Variants in KLHL12 observed in about 807,000 individuals in gnomAD.
KLHL12 encodes the protein kelch-like protein 12.
KLHL12 carries 17 observed loss-of-function variants against 60.8 expected under a neutral mutation model. The observed-to-expected ratio is 0.28, with a 90% CI of 0.19 to 0.42. The LOEUF (loss-of-function observed/expected upper bound fraction) is 0.42, where lower values mean the gene tolerates loss of function less well. Among genes scored for constraint, KLHL12 ranks in the 10% least tolerant of loss-of-function variants. KLHL12 has a pLI of 1.00. For synonymous variants in KLHL12, 220 were observed against 250.9 expected (o/e 0.88, Z 1.16); for missense variants, 468 against 722.3 (o/e 0.65, Z 4.04).
In KLHL12 at chr1:202,895,714, T is replaced by C. The variant is rs547587877; in HGVS notation, c.943A>G (p.Ile315Val). 1.2e-6 allele frequency: 2 copies of C among 1,613,600 alleles called. No homozygotes were observed. Among genetic ancestry groups the C allele is most frequent in the Admixed American group, 1.7e-5 (1 of 59,990 alleles). Residue 315 changes from isoleucine to valine, a missense_variant, in exon 8 of 12, where the codon ATC becomes GTC. Transcript: ENST00000367261. This position sits in a 1 kb window ranked among gnomAD's most constrained non-coding sequence, Gnocchi z 4.2. ...KTQEWSFLPS[I>V]TRKRRYVASV... ...GCCACATAACGTCTCTTACGAGTGA[T>C]GCTCTATGGATTTGGAGAGAAGAGG...
intron 2 of KLHL12, 26 bp from the exon 3 acceptor site, chr1:202,919,934 A>G (rs1213229414): frequency 3.8e-6 from 6 of 1,592,642 alleles, no homozygotes; most frequent in Middle Eastern, 1.7e-4. Flanking sequence ...GTATAAAAGA[A>G]TGATGGTTAT....
In KLHL12 at chr1:202,927,203, A is replaced by C. The variant is rs554785502; in HGVS notation, c.-160T>G. On this transcript the variant is annotated 5_prime_UTR_variant, in exon 1 of 12. Transcript: ENST00000367261. ...GAGCCGAAGCGCCGCCCAGACCCGGAGGCTCTGGAGGCTCTGGAGCCGTCC... is the reference window on the plus strand; with the variant it reads ...GAGCCGAAGCGCCGCCCAGACCCGGCGGCTCTGGAGGCTCTGGAGCCGTCC... 1.6e-3 allele frequency: 1,585 copies of C among 985,012 alleles called. 2 individuals carry two copies. Among genetic ancestry groups the C allele is most frequent in the Middle Eastern group, 6.8e-3 (13 of 1,914 alleles). The allele number at this position is 985,012 out of a possible 1,614,324, so 61.0% of individuals were successfully genotyped here.
chr1:202,914,822 GC>G (rs1410685753), intron 4 of KLHL12: 1 of 149,774 alleles, frequency 6.7e-6, no homozygotes, highest in Non-Finnish European at 1.5e-5. Flanking sequence ...CCGAGATCGT[GC>G]CATTACACTC....
At chr1:202,927,981 T>TAAAA, upstream of KLHL12, among the ~76,000 whole-genome samples, 1 of 103,676 alleles carries the variant, frequency 9.6e-6, no homozygotes, top group Admixed American at 1.1e-4. Context: ...CTCTGTCTCT[T>TAAAA]AAAAAAAAAA....
At chr1:202,928,101 C>T (rs1423435945), upstream of KLHL12, among the ~76,000 whole-genome samples, 2 of 151,474 alleles carry the variant, frequency 1.3e-5, no homozygotes, top group African/African-American at 4.8e-5. Flanking sequence ...GGTGAAACCC[C>T]GTCTCCACTA....
At chr1:202,921,919 C>A (rs895660087) in intron 2 of KLHL12, among the ~76,000 whole-genome samples, 4 of 152,128 alleles carry the variant, frequency 2.6e-5, no homozygotes. Flanking sequence ...ATCCCTAACA[C>A]TAAAAAAGTC....
chr1:202,927,383 T>C, upstream of KLHL12: 1 of 594,478 alleles, frequency 1.7e-6, no homozygotes, highest in Non-Finnish European at 2.1e-6. Context: ...GGAAGCCGAA[T>C]TACAAAAAGG....
chr1:202,908,935 T>C, intron 6 of KLHL12, 75 bp downstream of exon 6: 1 of 928,820 alleles, frequency 1.1e-6, no homozygotes, highest in East Asian at 2.4e-5. Flanking sequence ...TTATAGAGTA[T>C]TATTTTCAAC....
chr1:202,920,277 C>G (rs10800878), intron 2 of KLHL12, among the ~76,000 whole-genome samples: 118,298 of 151,442 alleles, frequency 0.78, 47,442 homozygotes, highest in East Asian at 0.9. Flanking sequence ...TTGTGCCACT[C>G]CACTCCAGCC....
intron 6 of KLHL12, among the ~76,000 whole-genome samples, chr1:202,897,201 C>T (rs1220016057): frequency 6.7e-6 from 1 of 149,298 alleles, no homozygotes; most frequent in Non-Finnish European, 1.5e-5. Context: ...AAGCAAACTT[C>T]AACATGACAC....
rs1406054313 is a variant in KLHL12, at chr1:202,892,798, T to G, written c.1581-139A>C. On this transcript the variant is annotated intron_variant, in intron 11 of 11. Coordinates refer to ENST00000367261, the MANE Select transcript of KLHL12 (RefSeq NM_021633.4). ...GAATTTGAGACCAGCCTGGGCAACATGGTGAGACCCTGTCTCAATAAAATT... is the reference window on the plus strand; with the variant it reads ...GAATTTGAGACCAGCCTGGGCAACAGGGTGAGACCCTGTCTCAATAAAATT... 1.3e-5 allele frequency: 10 copies of G among 746,622 alleles called. No individual in the cohort carries two copies. In the African/African-American group the frequency reaches 1.4e-4, roughly 11 times the overall value. The allele number at this position is 746,622 out of a possible 1,614,324, so 46.2% of individuals were successfully genotyped here. A position where few individuals can be genotyped will look rare whatever the true frequency, so the allele number is the denominator to read the frequency against.
At chr1:202,903,159 CAAAA>C (rs67432749) in intron 6 of KLHL12, among the ~76,000 whole-genome samples, 757 of 52,018 alleles carry the variant, frequency 0.015, 8 homozygotes, top group African/African-American at 0.052. Flanking sequence ...GACCTTGTCT[CAAAA>C]AAAAAAAAAA....
At chr1:202,908,525 G>A (rs1330316597) in intron 6 of KLHL12, among the ~76,000 whole-genome samples, 1 of 152,172 alleles carries the variant, frequency 6.6e-6, no homozygotes, top group East Asian at 1.9e-4. Context: ...AATCTAGTAC[G>A]AGGTAAACTG....
chr1:202,904,016 TTATC>T (rs59667776), intron 6 of KLHL12, among the ~76,000 whole-genome samples: 12 of 150,122 alleles, frequency 8.0e-5, no homozygotes, highest in East Asian at 4.0e-4. Flanking sequence ...ATCTATCTAT[TTATC>T]TATCTATCTA....
At position 202,920,369 on chromosome 1, in the gene KLHL12, A is replaced by ATTTTTTTT. The variant is rs951695987; in HGVS notation, c.196-469_196-462dup. Reference sequence around the variant, plus strand: ...ATAAAATTATGCTCTATTTTGTTGGATTTTTTTTTTTTTTTTTTTTTTTTT... The same window carrying ATTTTTTTT: ...ATAAAATTATGCTCTATTTTGTTGGATTTTTTTTTTTTTTTTTTTTTTTTTTTTTTTTT... On this transcript the variant is annotated intron_variant, in intron 2 of 11. Coordinates refer to ENST00000367261, the MANE Select transcript of KLHL12 (RefSeq NM_021633.4). 1.6e-3 allele frequency among the ~76,000 whole-genome samples: 134 copies of ATTTTTTTT among 83,828 alleles called. 5 individuals carry two copies. The highest frequency in any genetic ancestry group is 2.2e-3 in the African/African-American group (47 of 21,092). 55.0% of individuals were successfully genotyped at this position (83,828 alleles called of 152,430 possible). A position where few individuals can be genotyped will look rare whatever the true frequency, so the allele number is the denominator to read the frequency against.
intron 6 of KLHL12, among the ~76,000 whole-genome samples, chr1:202,905,813 G>T (rs1405094627): frequency 1.3e-5 from 2 of 151,314 alleles, no homozygotes; most frequent in Admixed American, 6.6e-5. Flanking sequence ...TACCCAACCC[G>T]ATTTTTTTTT....
intron 8 of KLHL12, among the ~76,000 whole-genome samples, chr1:202,894,989 G>A (rs972848514): frequency 1.3e-5 from 2 of 152,168 alleles, no homozygotes; most frequent in African/African-American, 2.4e-5. Context: ...ACTAGTGCCA[G>A]TTCCCCACCC....
At position 202,894,528 on chromosome 1, in the gene KLHL12, A is replaced by T. The variant is rs2102406007; in HGVS notation, c.1294+63T>A. 2.0e-6 allele frequency: 3 copies of T among 1,536,978 alleles called. No individual in the cohort carries two copies. The African/African-American group carries it at 4.1e-5, about 21-fold the overall frequency. On this transcript the variant is annotated intron_variant, in intron 9 of 11. Transcript: ENST00000367261. ...ATGAACGTCATTTTGGTAAAAAGGAATCCTTACCCACAGCCCATTACCCAT... is the reference window on the plus strand; with the variant it reads ...ATGAACGTCATTTTGGTAAAAAGGATTCCTTACCCACAGCCCATTACCCAT...
At chr1:202,904,092 C>T (rs1044362838) in intron 6 of KLHL12, among the ~76,000 whole-genome samples, 1 of 152,108 alleles carries the variant, frequency 6.6e-6, no homozygotes, top group Non-Finnish European at 1.5e-5. Context: ...GATCTTGGTT[C>T]ACCACAATCT....
Sources: allele counts gnomAD v4.1 joint callset (sites outside exome capture counted in the v4.1 genomes callset), GRCh38; gene constraint gnomAD v4.1.1; non-coding constraint Gnocchi (gnomAD v3.1); transcripts MANE v1.5; gene names NCBI Gene and HGNC (gene_info 2026-07-23, HGNC 2026-07-21).